ARFIP1: variants seen among roughly 807,000 people sequenced by gnomAD.
ARFIP1 encodes arfaptin-1.
ARFIP1 carries 24 observed loss-of-function variants against 42.5 expected under a neutral mutation model. That is an observed-to-expected ratio of 0.57 (90% confidence interval 0.41 to 0.80). ARFIP1 has a LOEUF of 0.80. ARFIP1 is among the 30% of genes least tolerant of loss of function. The pLI is 0.00. For synonymous variants in ARFIP1, 141 were observed against 153.7 expected, an observed-to-expected ratio of 0.92 and a Z score of 0.61; for missense variants, 354 against 434.0, an observed-to-expected ratio of 0.82 and a Z score of 1.64.
intron 2 of ARFIP1, among the ~76,000 whole-genome samples, chr4:152,855,996 T>C (rs1235430467): frequency 6.6e-6 from 1 of 152,216 alleles, no homozygotes; most frequent in African/African-American, 2.4e-5. Flanking sequence ...GTGTGATATC[T>C]ACTCTTTTGG....
chr4:152,797,434 A>G (rs1248019591), intron 1 of ARFIP1, among the ~76,000 whole-genome samples: 1 of 152,174 alleles, frequency 6.6e-6, no homozygotes, highest in Non-Finnish European at 1.5e-5. Context: ...TTTCCTACCT[A>G]TTCTTGCGTG....
At chr4:152,797,300 C>G (rs186247994) in intron 1 of ARFIP1, among the ~76,000 whole-genome samples, 1 of 152,296 alleles carries the variant, frequency 6.6e-6, no homozygotes, top group Non-Finnish European at 1.5e-5. Flanking sequence ...GGGTCTAATT[C>G]TAGACTTTTT....
In ARFIP1 at chr4:152,911,853, C is replaced by T. The variant is rs867407370; in HGVS notation, c.*1634C>T. The T allele has an allele frequency of 6.6e-6, 1 of 152,364 alleles. No homozygotes were observed. The highest frequency in any genetic ancestry group is 1.5e-5 in the Non-Finnish European group (1 of 67,968). 9.4% of individuals were successfully genotyped at this position (152,364 alleles called of 1,614,324 possible). A position where few individuals can be genotyped will look rare whatever the true frequency, so the allele number is the denominator to read the frequency against. On this transcript the variant is annotated 3_prime_UTR_variant, in exon 9 of 9. Coordinates refer to ENST00000353617, the MANE Select transcript of ARFIP1 (RefSeq NM_001025595.3). ...TACTTGTGATAGTTCATTTACATTC[C>T]CCAGAATGTGCCTCTAGTGTGAATT...
At chr4:152,858,477 A>G (rs1435813846) in intron 2 of ARFIP1, among the ~76,000 whole-genome samples, 2 of 152,198 alleles carry the variant, frequency 1.3e-5, no homozygotes, top group Non-Finnish European at 2.9e-5. Context: ...ATGAGATGGC[A>G]AGGAGTGTAC....
intron 2 of ARFIP1, among the ~76,000 whole-genome samples, chr4:152,851,918 A>C (rs369491466): frequency 1.1e-4 from 16 of 152,334 alleles, no homozygotes; most frequent in East Asian, 9.6e-4. Context: ...GTTATTTTTC[A>C]CAGCTTTATG....
chr4:152,878,113 A>C (rs928074883), intron 5 of ARFIP1, among the ~76,000 whole-genome samples: 1 of 152,146 alleles, frequency 6.6e-6, no homozygotes, highest in Admixed American at 6.5e-5. Context: ...ACCCTTTCCC[A>C]AGTAGAGAAT....
chr4:152,824,953 TAC>T (rs1440282956), intron 1 of ARFIP1, among the ~76,000 whole-genome samples: 1 of 151,128 alleles, frequency 6.6e-6, no homozygotes. Flanking sequence ...GATATATATA[TAC>T]ACACACGCAC....
chr4:152,893,270 G>A (rs191001195), intron 8 of ARFIP1, among the ~76,000 whole-genome samples: 1 of 152,108 alleles, frequency 6.6e-6, no homozygotes, highest in Non-Finnish European at 1.5e-5. Context: ...GCAGAATCCT[G>A]ATTACCTCAC....
intron 2 of ARFIP1, among the ~76,000 whole-genome samples, chr4:152,858,493 C>A (rs886233913): frequency 6.6e-6 from 1 of 152,130 alleles, no homozygotes; most frequent in Non-Finnish European, 1.5e-5. Context: ...TGTACCTTAT[C>A]TCTTTCTCTG....
At chr4:152,907,013 C>T (rs970074556) in intron 8 of ARFIP1, among the ~76,000 whole-genome samples, 1 of 152,228 alleles carries the variant, frequency 6.6e-6, no homozygotes, top group African/African-American at 2.4e-5. Flanking sequence ...ACATACATCT[C>T]ACATTCCACA....
At chr4:152,815,828 T>G (rs1276271968) in intron 1 of ARFIP1, among the ~76,000 whole-genome samples, 1 of 140,704 alleles carries the variant, frequency 7.1e-6, no homozygotes, top group Non-Finnish European at 1.5e-5. Flanking sequence ...CACTGCAAGC[T>G]CCGCCTCCCG....
intron 1 of ARFIP1, among the ~76,000 whole-genome samples, chr4:152,826,797 A>G (rs1730874264): frequency 6.6e-6 from 1 of 152,216 alleles, no homozygotes; most frequent in Non-Finnish European, 1.5e-5. Context: ...CCATCACGGG[A>G]TGAATGGATA....
At chr4:152,815,090 C>T (rs1020315741) in intron 1 of ARFIP1, among the ~76,000 whole-genome samples, 2 of 152,134 alleles carry the variant, frequency 1.3e-5, no homozygotes, top group African/African-American at 4.8e-5. Context: ...ACATGCCATT[C>T]TTTATGAGTT....
chr4:152,905,545 GTTTTTT>G (rs59608457), intron 8 of ARFIP1, among the ~76,000 whole-genome samples: 984 of 30,334 alleles, frequency 0.032, 6 homozygotes, highest in Middle Eastern at 0.071. Flanking sequence ...TGTAAGAATT[GTTTTTT>G]TTTTTTTTTT....
At chr4:152,811,950 GAATAGAT>G (rs1729500671) in intron 1 of ARFIP1, among the ~76,000 whole-genome samples, 1 of 152,178 alleles carries the variant, frequency 6.6e-6, no homozygotes, top group East Asian at 1.9e-4. Context: ...GGAAGAAAAT[GAATAGAT>G]AATAGTTGCA....
chr4:152,845,093 A>G (rs1732427196), intron 2 of ARFIP1, among the ~76,000 whole-genome samples: 1 of 152,222 alleles, frequency 6.6e-6, no homozygotes, highest in Admixed American at 6.5e-5. Flanking sequence ...AAAGTCAACA[A>G]AAATAAGCAA....
At chr4:152,837,492 C>T (rs1156602775) in intron 2 of ARFIP1, among the ~76,000 whole-genome samples, 1 of 152,086 alleles carries the variant, frequency 6.6e-6, no homozygotes, top group Non-Finnish European at 1.5e-5. Flanking sequence ...GGTGATATTG[C>T]GTTGTGGTTT....
intron 5 of ARFIP1, among the ~76,000 whole-genome samples, chr4:152,874,176 T>G (rs1735131079): frequency 6.6e-6 from 1 of 152,230 alleles, no homozygotes; most frequent in African/African-American, 2.4e-5. Context: ...ATCTCTTATC[T>G]CTACAATAAT....
intron 2 of ARFIP1, among the ~76,000 whole-genome samples, chr4:152,858,423 T>C (rs562652838): frequency 6.6e-6 from 1 of 152,380 alleles, no homozygotes; most frequent in East Asian, 1.9e-4. Context: ...GTTTTTACTT[T>C]GGCACCATGT....
Sources: allele counts gnomAD v4.1 joint callset (sites outside exome capture counted in the v4.1 genomes callset), GRCh38; gene constraint gnomAD v4.1.1; transcripts MANE v1.5; gene names NCBI Gene and HGNC (gene_info 2026-07-23, HGNC 2026-07-21).